ADGRV1: variants seen among roughly 807,000 people sequenced by gnomAD.
ADGRV1 encodes adhesion G protein-coupled receptor V1, also known as G-protein coupled receptor 98.
Under a neutral mutation model 596.2 loss-of-function variants are expected in ADGRV1, and 359 were observed. The observed-to-expected ratio is 0.60, with a 90% CI of 0.55 to 0.66. ADGRV1 has a LOEUF of 0.66. ADGRV1 is among the 30% of genes least tolerant of loss of function. The pLI, the probability that ADGRV1 is intolerant of heterozygous loss-of-function variation, is 0.00. For synonymous variants in ADGRV1, 2,681 were observed against 2,679.2 expected (o/e 1.00, Z -0.02); for missense variants, 7,274 against 7,575.6 (o/e 0.96, Z 1.48).
At chr5:90,919,994 CAA>C (rs59122926) in intron 83 of ADGRV1, among the ~76,000 whole-genome samples, 1,467 of 80,074 alleles carry the variant, frequency 0.018, 3 homozygotes, top group Middle Eastern at 0.068. Context: ...AACTCCATCT[CAA>C]AAAAAAAAAA....
At chr5:91,038,084 G>A (rs1318209599) in intron 85 of ADGRV1, among the ~76,000 whole-genome samples, 7 of 152,114 alleles carry the variant, frequency 4.6e-5, no homozygotes, top group Non-Finnish European at 8.8e-5. Context: ...AAAATCCAAG[G>A]TCTAAAACAT....
chr5:90,813,817 T>G (rs1318254859), intron 74 of ADGRV1, among the ~76,000 whole-genome samples: 1 of 152,200 alleles, frequency 6.6e-6, no homozygotes, highest in African/African-American at 2.4e-5. Flanking sequence ...ACCTTTATAA[T>G]CTTTTCACAT....
At chr5:91,039,924 A>G (rs1360776576) in intron 85 of ADGRV1, among the ~76,000 whole-genome samples, 2 of 152,152 alleles carry the variant, frequency 1.3e-5, no homozygotes, top group Non-Finnish European at 2.9e-5. Context: ...CTTAAATTAG[A>G]TCTTTGTATC....
intron 64 of ADGRV1, among the ~76,000 whole-genome samples, chr5:90,780,795 G>A (rs1336924069): frequency 1.3e-5 from 2 of 151,928 alleles, no homozygotes; most frequent in Non-Finnish European, 2.9e-5. Context: ...TGAATGCCTG[G>A]ACTAAAGGGA....
At chr5:90,761,986 G>A (rs745733616) in intron 58 of ADGRV1, among the ~76,000 whole-genome samples, 3 of 151,962 alleles carry the variant, frequency 2.0e-5, no homozygotes, top group South Asian at 2.1e-4. Flanking sequence ...AGCATTATTC[G>A]GTGACACAGA....
At chr5:90,827,596 C>A (rs182915433) in intron 76 of ADGRV1, among the ~76,000 whole-genome samples, 1 of 152,136 alleles carries the variant, frequency 6.6e-6, no homozygotes, top group African/African-American at 2.4e-5. Context: ...AATTCAAGCT[C>A]GCTTGGCCAT....
chr5:90,877,662 A>T (rs192868074), intron 83 of ADGRV1, among the ~76,000 whole-genome samples: 1 of 151,372 alleles, frequency 6.6e-6, no homozygotes, highest in Admixed American at 6.6e-5. Flanking sequence ...CCTCCAGTGA[A>T]CCCTTTGTGA....
intron 13 of ADGRV1, among the ~76,000 whole-genome samples, 179 bp downstream of exon 13, chr5:90,643,220 A>T (rs1393608782): frequency 2.0e-5 from 3 of 152,186 alleles, no homozygotes; most frequent in Admixed American, 2.0e-4. Context: ...AGACTCATTC[A>T]TATTAGAATG....
At chr5:90,878,561 C>T (rs766515154) in intron 83 of ADGRV1, among the ~76,000 whole-genome samples, 4 of 152,142 alleles carry the variant, frequency 2.6e-5, no homozygotes, top group Non-Finnish European at 5.9e-5. Flanking sequence ...GATCTCATTC[C>T]GAAGAACACC....
At chr5:90,648,185 A>G (rs1249220553) in intron 17 of ADGRV1, among the ~76,000 whole-genome samples, 1 of 152,168 alleles carries the variant, frequency 6.6e-6, no homozygotes, top group Non-Finnish European at 1.5e-5. Context: ...GTAGGCAGCT[A>G]ACTTCAACTG....
chr5:90,734,393 G>A (rs1752947692), intron 50 of ADGRV1, among the ~76,000 whole-genome samples: 1 of 152,130 alleles, frequency 6.6e-6, no homozygotes, highest in East Asian at 1.9e-4. Context: ...GCATCTGCAA[G>A]CATTTCCTTT....
intron 1 of ADGRV1, among the ~76,000 whole-genome samples, chr5:90,577,121 A>G (rs1757335147): frequency 6.6e-6 from 1 of 152,116 alleles, no homozygotes. Context: ...CTTTAGTTTA[A>G]TTAGATCCCA....
intron 50 of ADGRV1, among the ~76,000 whole-genome samples, chr5:90,742,954 G>A (rs1236026521): frequency 8.5e-5 from 13 of 152,134 alleles, no homozygotes; most frequent in Non-Finnish European, 1.8e-4. Flanking sequence ...AGGCTTTTAG[G>A]GGCAGAGAAA....
chr5:91,007,593 A>G (rs1023072799), intron 85 of ADGRV1, among the ~76,000 whole-genome samples: 3 of 152,158 alleles, frequency 2.0e-5, no homozygotes, highest in African/African-American at 7.2e-5. Context: ...CATAGCTTTA[A>G]GTATTAGTAT....
At chr5:90,884,901 T>C (rs1296193496) in intron 83 of ADGRV1, among the ~76,000 whole-genome samples, 1 of 152,174 alleles carries the variant, frequency 6.6e-6, no homozygotes, top group Admixed American at 6.5e-5. Context: ...TTTATTTCTT[T>C]GGCAATCAAA....
chr5:90,570,964 G>A (rs1756450576), intron 1 of ADGRV1, among the ~76,000 whole-genome samples: 5 of 151,872 alleles, frequency 3.3e-5, no homozygotes, highest in Admixed American at 3.3e-4. Flanking sequence ...TTTTTCCTGT[G>A]TATTGCTCAT....
intron 60 of ADGRV1, among the ~76,000 whole-genome samples, chr5:90,775,876 T>G (rs1272198569): frequency 6.6e-6 from 1 of 152,174 alleles, no homozygotes; most frequent in Non-Finnish European, 1.5e-5. Flanking sequence ...GTGATACAGC[T>G]CTTTGTGTCA....
intron 83 of ADGRV1, among the ~76,000 whole-genome samples, chr5:90,920,083 A>G (rs1422940504): frequency 1.3e-5 from 2 of 152,110 alleles, no homozygotes; most frequent in African/African-American, 4.8e-5. Flanking sequence ...ATAACAAATT[A>G]CCATGGGCTG....
In ADGRV1 at chr5:90,938,482, CA is replaced by C. The variant is rs1775899701; in HGVS notation, c.17857-26929del. ...AGTGAGACTGGCGATGTTTGAGTGCCAAAAGATATTACTTAAAGACTTCCCC... is the reference window on the plus strand; with the variant it reads ...AGTGAGACTGGCGATGTTTGAGTGCCAAAGATATTACTTAAAGACTTCCCC... On this transcript the variant is annotated intron_variant, in intron 83 of 89. Coordinates refer to ENST00000405460, the MANE Select transcript of ADGRV1 (RefSeq NM_032119.4). 8.5e-5 allele frequency among the ~76,000 whole-genome samples: 13 copies of C among 152,222 alleles called. No individual in the cohort carries two copies. The South Asian group carries it at 2.7e-3, about 32-fold the overall frequency.
Sources: allele counts gnomAD v4.1 joint callset (sites outside exome capture counted in the v4.1 genomes callset), GRCh38; gene constraint gnomAD v4.1.1; transcripts MANE v1.5; gene names NCBI Gene and HGNC (gene_info 2026-07-23, HGNC 2026-07-21).